Variants in EFTUD2 observed in about 807,000 individuals in gnomAD.
EFTUD2 encodes 116 kDa U5 small nuclear ribonucleoprotein component.
Under a neutral mutation model 114.3 loss-of-function variants are expected in EFTUD2, and 9 were observed. The ratio of observed to expected loss-of-function variants is 0.08; its 90% CI spans 0.05 to 0.14. The LOEUF (loss-of-function observed/expected upper bound fraction) is 0.14. EFTUD2 is among the 10% of genes least tolerant of loss of function. EFTUD2 has a pLI of 1.00. For synonymous variants in EFTUD2, 449 were observed against 462.3 expected (o/e 0.97, Z 0.37); for missense variants, 765 against 1,241.2 (o/e 0.62, Z 5.76).
intron 13 of EFTUD2, among the ~76,000 whole-genome samples, chr17:44,867,298 T>C (rs1055896043): frequency 4.0e-5 from 3 of 74,432 alleles, no homozygotes; most frequent in Middle Eastern, 0.01. Context: ...TTTCCTTTGA[T>C]TTTTTTTTTT....
intron 10 of EFTUD2, among the ~76,000 whole-genome samples, chr17:44,874,338 C>T (rs1031637547): frequency 6.6e-6 from 1 of 152,290 alleles, no homozygotes; most frequent in African/African-American, 2.4e-5. Context: ...AGCTATCACG[C>T]TTGGCCTTCT....
intron 11 of EFTUD2, among the ~76,000 whole-genome samples, chr17:44,871,874 A>G (rs1458468154): frequency 3.9e-5 from 6 of 152,180 alleles, no homozygotes; most frequent in Admixed American, 1.3e-4. Context: ...CACGATTCCT[A>G]TTGGAATCTG....
In EFTUD2 at chr17:44,854,676, C is replaced by A; in HGVS notation, c.2139G>T (p.Lys713Asn). The A allele has an allele frequency of 6.2e-7, 1 of 1,613,154 alleles. No homozygotes were observed. The highest frequency in any genetic ancestry group is 8.5e-7 in the Non-Finnish European group (1 of 1,179,364). The change falls in exon 22 of 28, where the codon AAG (lysine) becomes AAT (asparagine). Residue 713 changes from lysine (K) to asparagine (N), a missense_variant. Physicochemically the swap from Lys to Asn is moderately conservative, Grantham distance 94. Coordinates refer to ENST00000426333, the MANE Select transcript of EFTUD2 (RefSeq NM_004247.4). This position sits in a 1 kb window ranked among gnomAD's most constrained non-coding sequence, Gnocchi z 4.3. ...ACTTGGTCTGGAAGAACTCTCCCAG[C>A]TTCTTCCTGGGGAAGGGAGGAGACA... ...EVVQITWNRKKLGEFFQTKYD... is the reference protein window; with the variant it reads ...EVVQITWNRKNLGEFFQTKYD...
At chr17:44,857,276 T>A in intron 19 of EFTUD2, 119 bp from the exon 20 acceptor site, 1 of 773,940 alleles carries the variant, frequency 1.3e-6, no homozygotes, top group Non-Finnish European at 2.2e-6. Context: ...CCAACTGCCT[T>A]AATCAGCACA....
intron 1 of EFTUD2, 112 bp from the exon 2 acceptor site, chr17:44,894,637 C>A (rs1347709097): frequency 4.0e-6 from 3 of 749,508 alleles, no homozygotes; most frequent in Non-Finnish European, 7.0e-6. Context: ...CTTTCACATG[C>A]CTCCTCTCCA....
Position 44,859,928 on chromosome 17 carries a change from T to G in EFTUD2, c.1837A>C (p.Ser613Arg), listed in dbSNP as rs1567733407. Residue 613 changes from serine to arginine, a missense_variant, in exon 18 of 28, where the codon AGC (serine) becomes CGC (arginine). By Grantham distance (110) the Ser-to-Arg change is moderately radical. Coordinates refer to ENST00000426333, the MANE Select transcript of EFTUD2 (RefSeq NM_004247.4). ...MLDGLRKVNK[S>R]YPSLTTKVEE... ...ACCTTGGTGGTGAGGGATGGATAGC[T>G]CTTGTTGACCTTGCGCAGGCCATCA... 6.2e-7 allele frequency: 1 copy of G among 1,614,122 alleles called. No homozygotes were observed.
intron 9 of EFTUD2, among the ~76,000 whole-genome samples, chr17:44,878,334 CAAAATAA>C: frequency 6.6e-6 from 1 of 152,108 alleles, no homozygotes. Context: ...AGACATTCTA[CAAAATAA>C]GTGCCCTGTA....
At chr17:44,856,197 C>A (rs2050550007) in intron 20 of EFTUD2, among the ~76,000 whole-genome samples, 1 of 147,718 alleles carries the variant, frequency 6.8e-6, no homozygotes, top group South Asian at 2.2e-4. Flanking sequence ...GGGCAAAGGG[C>A]TCATCTTTCT....
In EFTUD2 at chr17:44,872,456, G is replaced by T; in HGVS notation, c.984C>A (p.Ala328=). Residue 328 remains alanine (A), a synonymous_variant, in exon 11 of 28, where the codon GCC becomes GCA. Transcript: ENST00000426333. The part of the protein sequence containing the change: ...FTLGSFAKIY[A]DTFGDINYQE... Reference sequence around the variant, plus strand: ...CCAGCCAGCGCTTACCAAAGGTGTCGGCATAGATCTTGGCAAAGGAGCCCA... The same window carrying T: ...CCAGCCAGCGCTTACCAAAGGTGTCTGCATAGATCTTGGCAAAGGAGCCCA... 1 of 1,612,748 alleles carries T rather than the reference G, an allele frequency of 6.2e-7. No homozygotes were observed. Among genetic ancestry groups the T allele is most frequent in the South Asian group, 1.1e-5 (1 of 91,026 alleles).
intron 27 of EFTUD2, 80 bp downstream of exon 27, chr17:44,851,630 G>A: frequency 2.2e-6 from 3 of 1,365,826 alleles, no homozygotes; most frequent in Non-Finnish European, 3.0e-6. Flanking sequence ...AGGAAAAGGG[G>A]CCAAAAGAAA....
intron 25 of EFTUD2, 141 bp downstream of exon 25, chr17:44,853,155 T>G: frequency 2.3e-6 from 2 of 868,574 alleles, no homozygotes; most frequent in Admixed American, 2.3e-5. Context: ...CCGCTCCTAC[T>G]TCTTTCTGGA....
chr17:44,896,259 C>T (rs1178135004), intron 1 of EFTUD2, among the ~76,000 whole-genome samples: 1 of 152,208 alleles, frequency 6.6e-6, no homozygotes, highest in African/African-American at 2.4e-5. Flanking sequence ...TCAAATGCCA[C>T]CACCTCCTTC....
At chr17:44,889,660 T>A (rs1489371789) in intron 2 of EFTUD2, among the ~76,000 whole-genome samples, 1 of 152,178 alleles carries the variant, frequency 6.6e-6, no homozygotes, top group East Asian at 1.9e-4. Flanking sequence ...TTGTTTTCCT[T>A]CACACAAATT....
chr17:44,886,065 C>G (rs1248092098), intron 3 of EFTUD2, among the ~76,000 whole-genome samples: 2 of 152,080 alleles, frequency 1.3e-5, no homozygotes, highest in Non-Finnish European at 2.9e-5. Flanking sequence ...GGTGAAACCC[C>G]GTTTCTACTA....
intron 4 of EFTUD2, 48 bp from the exon 5 acceptor site, chr17:44,883,772 A>G (rs1409627148): frequency 1.3e-6 from 2 of 1,583,004 alleles, no homozygotes; most frequent in East Asian, 4.5e-5. Context: ...AAACGTTTCC[A>G]AATGAGGAGT....
chr17:44,860,525 G>A lies in EFTUD2; in HGVS notation c.1626C>T (p.Asn542=). Residue 542 remains asparagine, a synonymous_variant, in exon 17 of 28, where the codon AAC becomes AAT. Coordinates refer to ENST00000426333, the MANE Select transcript of EFTUD2 (RefSeq NM_004247.4). ...GAACCCAGTTGCCAGCAGGAACACG[G>A]TTCACCTCGATGTGGTACCTGAAGC... is the stretch of plus-strand genomic sequence containing the variant. ...ISVARYHIEV[N]RVPAGNWVLI... 1 of 1,613,228 alleles carries A rather than the reference G, an allele frequency of 6.2e-7. No individual in the cohort carries two copies. Among genetic ancestry groups the A allele is most frequent in the Non-Finnish European group, 8.5e-7 (1 of 1,179,454 alleles).
intron 3 of EFTUD2, among the ~76,000 whole-genome samples, chr17:44,885,775 T>C (rs755283894): frequency 5.9e-5 from 9 of 152,126 alleles, no homozygotes; most frequent in Non-Finnish European, 1.3e-4. Context: ...AGGAGGCATC[T>C]ACCACCATGC....
At chr17:44,856,994 T>C (rs1402248886) in intron 20 of EFTUD2, 81 bp downstream of exon 20, 2 of 1,183,820 alleles carry the variant, frequency 1.7e-6, no homozygotes, top group Non-Finnish European at 2.5e-6. Flanking sequence ...ATAGTGCTCA[T>C]GGTGGGGGTA....
At chr17:44,879,496 T>C (rs2051031337) in intron 9 of EFTUD2, 60 bp downstream of exon 9, 1 of 1,558,142 alleles carries the variant, frequency 6.4e-7, no homozygotes, top group African/African-American at 1.4e-5. Flanking sequence ...CTGGGTATTG[T>C]TGCGGGGTGG....
Sources: allele counts gnomAD v4.1 joint callset (sites outside exome capture counted in the v4.1 genomes callset), GRCh38; gene constraint gnomAD v4.1.1; non-coding constraint Gnocchi (gnomAD v3.1); transcripts MANE v1.5; gene names NCBI Gene and HGNC (gene_info 2026-07-23, HGNC 2026-07-21).